The following CHMP4A variants were observed in gnomAD, a reference collection of about 807,000 sequenced individuals.
The protein encoded by CHMP4A is charged multivesicular body protein 4A.
Under a neutral mutation model 28.2 loss-of-function variants are expected in CHMP4A, and 29 were observed. The observed-to-expected ratio is 1.03, with a 90% CI of 0.77 to 1.40. The LOEUF is 1.40. Ranked by LOEUF, CHMP4A falls within the 40% of genes most tolerant of loss-of-function variation. The probability of loss-of-function intolerance (pLI) is 0.00; values close to 1 mark genes in which losing one functional copy is unlikely to be tolerated. For synonymous variants in CHMP4A, 88 were observed against 99.3 expected (o/e 0.89, Z 0.67); for missense variants, 241 against 263.5 (o/e 0.91, Z 0.59).
Position 24,210,572 on chromosome 14 carries a change from G to C in CHMP4A, c.474+82C>G. 3 of 1,591,976 alleles carry C rather than the reference G, an allele frequency of 1.9e-6. No individual in the cohort carries two copies. The South Asian group carries it at 3.3e-5, about 18-fold the overall frequency. The stretch of plus-strand genomic sequence containing the variant: ...ACTTTTGAAGTTCCCTCCCAAACTT[G>C]TCCCAAGAGCCTCTCTTGGGTGTTC... On this transcript the variant is annotated intron_variant, in intron 4 of 5. Transcript: ENST00000347519.
chr14:24,212,672 AG>A (rs562710046), intron 1 of CHMP4A: 143 of 308,634 alleles, frequency 4.6e-4, no homozygotes, highest in South Asian at 3.8e-3. Flanking sequence ...CACCTGTCTC[AG>A]CCTCCCCCAG....
Position 24,213,320 on chromosome 14 carries a change from G to C in CHMP4A, c.31+89C>G. 2.9e-6 allele frequency: 4 copies of C among 1,402,376 alleles called. No individual in the cohort carries two copies. In the South Asian group the frequency reaches 6.2e-5, roughly 22 times the overall value. The allele number at this position is 1,402,376 out of a possible 1,614,324, so 86.9% of individuals were successfully genotyped here. ...TCTCCTGATTCTCTTCCCCTGCCCGGCGCAGCGGTCCGGCCGAATCTCGCC... is the reference window on the plus strand; with the variant it reads ...TCTCCTGATTCTCTTCCCCTGCCCGCCGCAGCGGTCCGGCCGAATCTCGCC... On this transcript the variant is annotated intron_variant, in intron 1 of 5. Coordinates refer to ENST00000347519, the MANE Select transcript of CHMP4A (RefSeq NM_014169.5).
At chr14:24,210,604 G>C (rs2039583314) in intron 4 of CHMP4A, 50 bp downstream of exon 4, 1 of 1,590,314 alleles carries the variant, frequency 6.3e-7, no homozygotes, top group Non-Finnish European at 8.6e-7. Flanking sequence ...GTTCCTTCTG[G>C]CCAGTCCCAT....
At chr14:24,210,992 T>G (rs999901546) in intron 3 of CHMP4A, 1 of 518,094 alleles carries the variant, frequency 1.9e-6, no homozygotes, top group East Asian at 3.4e-5. Flanking sequence ...AAGACCAGCC[T>G]GGCCAAAATG....
At chr14:24,211,041 G>T (rs2039586891) in intron 3 of CHMP4A, among the ~76,000 whole-genome samples, 1 of 152,078 alleles carries the variant, frequency 6.6e-6, no homozygotes, top group Non-Finnish European at 1.5e-5. Context: ...AAAATGAGCT[G>T]GGCACAGTAG....
At position 24,210,418 on chromosome 14, in the gene CHMP4A, C is replaced by T; in HGVS notation, c.540G>A (p.Val180=). 1 of 1,614,116 alleles carries T rather than the reference C, an allele frequency of 6.2e-7. No homozygotes were observed. Among genetic ancestry groups the T allele is most frequent in the Non-Finnish European group, 8.5e-7 (1 of 1,180,018 alleles). ...CTGAGGGTTCTTCTTCCTTGTCGCC[C>T]ACATTTAACAACTCCTGGGCCAATT... The part of the protein sequence containing the change: ...QEELAQELLN[V]GDKEEEPSVK... The change falls in exon 5 of 6, where the codon GTG becomes GTA. Residue 180 remains valine (V), a synonymous_variant. Transcript: ENST00000347519.
At position 24,209,914 on chromosome 14, in the gene CHMP4A, TCATC is replaced by T; in HGVS notation, c.628_631del (p.Asp210LysfsTer4). The T allele has an allele frequency of 6.2e-7, 1 of 1,614,106 alleles. No homozygotes were observed. Among genetic ancestry groups the T allele is most frequent in the South Asian group, 1.1e-5 (1 of 91,084 alleles). ...CTCAGCCAACTGCTTTAGTGCTTCTTCATCTTCATCCACTTTGGGAGCTTTGAGG... is the reference window on the plus strand; with the variant it reads ...CTCAGCCAACTGCTTTAGTGCTTCTTTTCATCCACTTTGGGAGCTTTGAGG... On this transcript the variant is annotated frameshift_variant, in exon 6 of 6. Transcript: ENST00000347519. LOFTEE classifies it high-confidence loss of function.
chr14:24,211,771 C>T lies in CHMP4A; in HGVS notation c.90G>A (p.Glu30=), dbSNP rs749273781. Residue 30 remains glutamate (E), a synonymous_variant, in exon 2 of 6, where the codon GAG becomes GAA. Transcript: ENST00000347519. The part of the protein sequence containing the change: ...EEAIQKLKET[E]KILIKKQEFL... ...ATTCCTGTTTCTTGATCAGTATCTTCTCTGTCTCCTTCAGTTTCTGTATTG... is the reference window on the plus strand; with the variant it reads ...ATTCCTGTTTCTTGATCAGTATCTTTTCTGTCTCCTTCAGTTTCTGTATTG... 1.2e-6 allele frequency: 2 copies of T among 1,614,060 alleles called. No individual in the cohort carries two copies. The highest frequency in any genetic ancestry group is 2.7e-5 in the African/African-American group (2 of 74,932).
chr14:24,211,183 C>G, intron 3 of CHMP4A: 1 of 500,676 alleles, frequency 2.0e-6, no homozygotes, highest in Non-Finnish European at 3.6e-6. Context: ...GACTCCATCT[C>G]AAAAAACAAA....
At chr14:24,212,525 C>G (rs1434437375) in intron 1 of CHMP4A, 1 of 375,228 alleles carries the variant, frequency 2.7e-6, no homozygotes, top group African/African-American at 2.2e-5. Context: ...GTAGCTGGGA[C>G]TACAGGCACA....
intron 5 of CHMP4A, 84 bp downstream of exon 5, chr14:24,210,264 G>C: frequency 6.5e-7 from 1 of 1,532,642 alleles, no homozygotes; most frequent in Non-Finnish European, 8.8e-7. Context: ...TGGCTCCTTT[G>C]AGGCAGGATG....
chr14:24,211,029 C>G (rs538535430), intron 3 of CHMP4A, among the ~76,000 whole-genome samples: 2 of 152,194 alleles, frequency 1.3e-5, no homozygotes, highest in South Asian at 4.2e-4. Context: ...ACTAAAAATA[C>G]AAAAATGAGC....
chr14:24,212,103 T>C (rs925546567), intron 1 of CHMP4A: 2 of 287,006 alleles, frequency 7.0e-6, no homozygotes, highest in Non-Finnish European at 1.3e-5. Context: ...CCTTTCTTTT[T>C]TTTTCTTTAG....
Position 24,211,419 on chromosome 14 carries a change from C to G in CHMP4A, c.355G>C (p.Asp119His), listed in dbSNP as rs1184543755. The G allele has an allele frequency of 1.2e-6, 2 of 1,602,610 alleles. No individual in the cohort carries two copies. The highest frequency in any genetic ancestry group is 1.7e-6 in the Non-Finnish European group (2 of 1,170,556). ...AAQSMKKAYQ[D>H]MDIDKVDELM... The stretch of plus-strand genomic sequence containing the variant: ...CACCCCTCCCCCCGTACCCACATGT[C>G]CTGGTAGGCCTTCTTCATGCTTTGG... The change falls in exon 3 of 6, where the codon GAC becomes CAC. Residue 119 changes from aspartate to histidine, a missense_variant. Transcript: ENST00000347519.
intron 1 of CHMP4A, 166 bp downstream of exon 1, chr14:24,213,243 C>G: frequency 1.3e-6 from 1 of 792,286 alleles, no homozygotes; most frequent in Non-Finnish European, 1.8e-6. Flanking sequence ...CTTTTGGCAC[C>G]GGCGATGAGC....
At chr14:24,212,316 A>G (rs1418818047) in intron 1 of CHMP4A, among the ~76,000 whole-genome samples, 2 of 151,992 alleles carry the variant, frequency 1.3e-5, no homozygotes, top group East Asian at 3.8e-4. Flanking sequence ...GCTGGTGTCG[A>G]ACTCCCAACC....
chr14:24,209,732 G>T lies in CHMP4A; in HGVS notation c.*145C>A. 1 of 741,946 alleles carries T rather than the reference G, an allele frequency of 1.3e-6. No homozygotes were observed. Among genetic ancestry groups the T allele is most frequent in the Non-Finnish European group, 2.4e-6 (1 of 419,604 alleles). The allele number at this position is 741,946 out of a possible 1,614,324, so 46.0% of individuals were successfully genotyped here. On this transcript the variant is annotated 3_prime_UTR_variant, in exon 6 of 6. Coordinates refer to ENST00000347519, the MANE Select transcript of CHMP4A (RefSeq NM_014169.5). ...TTCAGAGTTGAGCCAGGGCTGGGAG[G>T]GTAAGAGACCCTTTTTTCAGGCAGG... is the stretch of plus-strand genomic sequence containing the variant.
At chr14:24,210,984 G>C in intron 3 of CHMP4A, 1 of 530,064 alleles carries the variant, frequency 1.9e-6, no homozygotes, top group Admixed American at 3.2e-5. Context: ...AGGAGTTCAA[G>C]ACCAGCCTGG....
Position 24,211,413 on chromosome 14 carries a change from A to C in CHMP4A, c.359+2T>G. ...CCCCTCCACCCCTCCCCCCGTACCC[A>C]CATGTCCTGGTAGGCCTTCTTCATG... On this transcript the variant is annotated splice_donor_variant, in intron 3 of 5. Transcript: ENST00000347519. LOFTEE classifies it high-confidence loss of function. 1 of 1,600,364 alleles carries C rather than the reference A, an allele frequency of 6.2e-7. No homozygotes were observed. The highest frequency in any genetic ancestry group is 8.6e-7 in the Non-Finnish European group (1 of 1,168,976).
Sources: gnomAD v4.1 joint callset for allele counts (sites outside exome capture counted in the v4.1 genomes callset) on GRCh38, gnomAD v4.1.1 for gene constraint, MANE v1.5 for transcripts, NCBI Gene and HGNC (gene_info 2026-07-23, HGNC 2026-07-21) for gene names.